The following NRG3 variants were observed in gnomAD, a reference collection of about 807,000 sequenced individuals.
NRG3 encodes pro-neuregulin-3, membrane-bound isoform.
NRG3 carries 31 observed loss-of-function variants against 66.9 expected under a neutral mutation model. The observed-to-expected ratio is 0.46, with a 90% CI of 0.35 to 0.63. The LOEUF (loss-of-function observed/expected upper bound fraction) is 0.63. Ranked by LOEUF, NRG3 falls within the 20% of genes least tolerant of loss-of-function variation. The probability of loss-of-function intolerance (pLI) is 0.00; values close to 1 mark genes in which losing one functional copy is unlikely to be tolerated. For missense variants in NRG3, 910 were observed against 878.9 expected, an observed-to-expected ratio of 1.04 and a Z score of -0.45; for synonymous variants, 393 against 359.4, an observed-to-expected ratio of 1.09 and a Z score of -1.06.
chr10:82,809,875 T>C (rs2061423633), intron 3 of NRG3, among the ~76,000 whole-genome samples: 1 of 146,952 alleles, frequency 6.8e-6, no homozygotes, highest in African/African-American at 2.4e-5. Context: ...AACTTCATTA[T>C]TTTTTTTAAA....
intron 3 of NRG3, among the ~76,000 whole-genome samples, chr10:82,776,580 G>C (rs1331793911): frequency 1.3e-5 from 2 of 151,746 alleles, no homozygotes; most frequent in Non-Finnish European, 2.9e-5. Flanking sequence ...TTCACTTAAT[G>C]GTGTTTAATA....
At chr10:82,599,689 C>A (rs1050107116) in intron 2 of NRG3, among the ~76,000 whole-genome samples, 1 of 151,988 alleles carries the variant, frequency 6.6e-6, no homozygotes, top group African/African-American at 2.4e-5. Flanking sequence ...TGGTGTTGCA[C>A]GCCTGTAATC....
chr10:82,236,710 C>CTTTTTTTT (rs370359467), intron 1 of NRG3, among the ~76,000 whole-genome samples: 5 of 93,508 alleles, frequency 5.3e-5, no homozygotes, highest in Non-Finnish European at 9.6e-5. Flanking sequence ...AAAACTAGAA[C>CTTTTTTTT]TTTTTTTTTT....
intron 1 of NRG3, among the ~76,000 whole-genome samples, chr10:82,219,495 G>A (rs1301606241): frequency 6.6e-6 from 1 of 151,812 alleles, no homozygotes; most frequent in African/African-American, 2.4e-5. Context: ...AGTACTTTGT[G>A]ACCTGATTTT....
intron 2 of NRG3, among the ~76,000 whole-genome samples, chr10:82,689,150 G>T (rs1288066453): frequency 6.6e-6 from 1 of 152,122 alleles, no homozygotes; most frequent in Admixed American, 6.5e-5. Context: ...TCAAATGTTG[G>T]CAGTTTCATG....
intron 1 of NRG3, among the ~76,000 whole-genome samples, chr10:82,233,093 A>G (rs761738447): frequency 5.9e-5 from 9 of 152,158 alleles, no homozygotes; most frequent in Non-Finnish European, 1.0e-4. Context: ...GGCTGTTCGC[A>G]GTGGCTCACG....
intron 2 of NRG3, among the ~76,000 whole-genome samples, chr10:82,563,076 C>A (rs1045496992): frequency 3.3e-5 from 5 of 152,006 alleles, no homozygotes; most frequent in African/African-American, 7.2e-5. Context: ...ATATAATAAG[C>A]CAGCAACAGC....
At position 82,548,724 on chromosome 10, in the gene NRG3, A is replaced by G. The variant is rs146152511; in HGVS notation, c.954-189853A>G. On this transcript the variant is annotated intron_variant, in intron 2 of 8. Coordinates refer to ENST00000372141, the MANE Select transcript of NRG3 (RefSeq NM_001010848.4). ...ACAGCGTACAGTTCAGGCAGGTAAT[A>G]AGCATGAAGAAGGAGACAGCAGTAA... Among the ~76,000 whole-genome samples, 527 of 152,104 alleles carry G rather than the reference A, an allele frequency of 3.5e-3. 5 individuals are homozygous for G. Among genetic ancestry groups the G allele is most frequent in the South Asian group, 0.031 (148 of 4,814 alleles).
intron 1 of NRG3, among the ~76,000 whole-genome samples, chr10:81,966,952 TTC>T (rs151055959): frequency 6.6e-6 from 1 of 152,204 alleles, no homozygotes; most frequent in East Asian, 1.9e-4. Flanking sequence ...TTTATATTTG[TTC>T]TCTCTCTTTA....
intron 2 of NRG3, among the ~76,000 whole-genome samples, chr10:82,597,632 C>T (rs1400380231): frequency 6.6e-6 from 1 of 152,108 alleles, no homozygotes; most frequent in Non-Finnish European, 1.5e-5. Flanking sequence ...CTCTTAAAAG[C>T]TACTTGCTGG....
intron 4 of NRG3, among the ~76,000 whole-genome samples, chr10:82,880,002 G>A (rs1842169409): frequency 8.0e-6 from 1 of 124,644 alleles, no homozygotes; most frequent in Non-Finnish European, 1.6e-5. Flanking sequence ...TGAAGCAGAA[G>A]CTTGTGCTGT....
At chr10:82,735,640 A>G (rs1382732362) in intron 2 of NRG3, among the ~76,000 whole-genome samples, 1 of 152,194 alleles carries the variant, frequency 6.6e-6, no homozygotes, top group Non-Finnish European at 1.5e-5. Context: ...CATCATTCTC[A>G]GTAAGCTATC....
At chr10:82,850,774 C>G (rs567631301) in intron 3 of NRG3, among the ~76,000 whole-genome samples, 1 of 150,338 alleles carries the variant, frequency 6.7e-6, no homozygotes, top group Non-Finnish European at 1.5e-5. Context: ...GTAAAGATAA[C>G]ATGACTTTGA....
intron 3 of NRG3, among the ~76,000 whole-genome samples, chr10:82,808,918 T>A (rs1216923599): frequency 6.6e-6 from 1 of 152,188 alleles, no homozygotes; most frequent in Non-Finnish European, 1.5e-5. Flanking sequence ...AGTGCTACAG[T>A]GTTGTCTGTT....
At chr10:81,882,726 G>T (rs879686222) in intron 1 of NRG3, among the ~76,000 whole-genome samples, 5 of 152,054 alleles carry the variant, frequency 3.3e-5, no homozygotes, top group Admixed American at 6.5e-5. Flanking sequence ...TATTGGAGCT[G>T]GTTTGTTACC....
rs76623110 is a variant in NRG3 at position 82,222,903 on chromosome 10, C to T, written c.824-135836C>T. ...CTAATATGTGGCTTTATTTTCCTGT[C>T]CTGTTCTCTTCATTTTGCTTTTGGC... On this transcript the variant is annotated intron_variant, in intron 1 of 8. Transcript: ENST00000372141. 2.1e-3 allele frequency among the ~76,000 whole-genome samples: 323 copies of T among 152,212 alleles called. 1 individual carries two copies. Among genetic ancestry groups the T allele is most frequent in the African/African-American group, 7.3e-3 (302 of 41,548 alleles).
intron 2 of NRG3, among the ~76,000 whole-genome samples, chr10:82,687,944 A>T (rs2054635398): frequency 6.6e-6 from 1 of 152,164 alleles, no homozygotes; most frequent in South Asian, 2.1e-4. Context: ...GTCCCAGCAC[A>T]CATGAGTTTC....
chr10:82,716,345 T>A (rs889591061), intron 2 of NRG3, among the ~76,000 whole-genome samples: 1 of 152,112 alleles, frequency 6.6e-6, no homozygotes, highest in African/African-American at 2.4e-5. Flanking sequence ...TGAACCTAGT[T>A]GTTTTGCCCC....
At chr10:82,162,809 G>T (rs976024892) in intron 1 of NRG3, among the ~76,000 whole-genome samples, 20 of 152,244 alleles carry the variant, frequency 1.3e-4, no homozygotes, top group Admixed American at 1.3e-3. Flanking sequence ...ATAAGCCAAA[G>T]TCCTCCCTTC....
Sources: gnomAD v4.1 joint callset for allele counts (sites outside exome capture counted in the v4.1 genomes callset) on GRCh38, gnomAD v4.1.1 for gene constraint, MANE v1.5 for transcripts, NCBI Gene and HGNC (gene_info 2026-07-23, HGNC 2026-07-21) for gene names.